The following CLVS1 variants were observed in gnomAD, a reference collection of about 807,000 sequenced individuals.
The protein encoded by CLVS1 is clavesin-1.
In CLVS1, 10 loss-of-function variants were observed where a neutral mutation model predicts 33.1. The observed-to-expected ratio is 0.30, with a 90% CI of 0.19 to 0.51. CLVS1 has a LOEUF of 0.51. Among genes scored for constraint, CLVS1 ranks in the 20% least tolerant of loss-of-function variants. CLVS1 has a pLI of 0.97. For missense variants in CLVS1, 343 were observed against 433.4 expected, an observed-to-expected ratio of 0.79 and a Z score of 1.85; for synonymous variants, 163 against 166.1, an observed-to-expected ratio of 0.98 and a Z score of 0.14.
intron 2 of CLVS1, among the ~76,000 whole-genome samples, chr8:61,164,922 C>T (rs1806827206): frequency 6.6e-6 from 1 of 152,196 alleles, no homozygotes; most frequent in Non-Finnish European, 1.5e-5. Context: ...GGGGTCCTTG[C>T]TCACAGAGCT....
intron 5 of CLVS1, among the ~76,000 whole-genome samples, chr8:61,492,945 A>C (rs962224453): frequency 3.9e-5 from 6 of 152,184 alleles, no homozygotes; most frequent in African/African-American, 1.2e-4. Flanking sequence ...CATGTCCTAC[A>C]AATATTCCTT....
rs750738056 is a variant in CLVS1, at chr8:61,299,928, C to T, written c.101C>T (p.Thr34Ile). Residue 34 changes from threonine to isoleucine, a missense_variant, in exon 2 of 6, where the codon ACT (threonine) becomes ATT (isoleucine). Thr to Ile is a moderately conservative substitution (Grantham distance 89). This residue lies in a region of CLVS1 where 88 missense variants were observed against 77.3 expected (regional missense o/e 1.14). Transcript: ENST00000325897. The part of the protein sequence containing the change: ...THLQAGLSPE[T>I]IEKARLELNE... ...TTACAGGCTGGACTCAGTCCAGAGA[C>T]TATAGAGAAAGCTCGCCTGGAACTG... is the stretch of plus-strand genomic sequence containing the variant. 6.2e-7 allele frequency: 1 copy of T among 1,613,948 alleles called. No individual in the cohort carries two copies.
intron 2 of CLVS1, among the ~76,000 whole-genome samples, chr8:61,177,466 T>C (rs1232360063): frequency 1.3e-5 from 2 of 152,038 alleles, no homozygotes; most frequent in Non-Finnish European, 2.9e-5. Flanking sequence ...GCACACCCTC[T>C]CCACCGAGGG....
intron 2 of CLVS1, among the ~76,000 whole-genome samples, chr8:61,276,951 T>G (rs1171894851): frequency 6.6e-6 from 1 of 152,228 alleles, no homozygotes; most frequent in Non-Finnish European, 1.5e-5. Flanking sequence ...GTCAAATTTT[T>G]CCTTTGATGC....
chr8:61,052,913 A>C (rs1268303554), upstream of CLVS1, among the ~76,000 whole-genome samples: 1 of 152,182 alleles, frequency 6.6e-6, no homozygotes, highest in Non-Finnish European at 1.5e-5. Context: ...GTGATCACAC[A>C]GATGAGACAT....
chr8:61,090,654 C>T (rs865991968), intron 1 of CLVS1, among the ~76,000 whole-genome samples: 1 of 152,110 alleles, frequency 6.6e-6, no homozygotes, highest in African/African-American at 2.4e-5. Context: ...CCAGAGACTC[C>T]TTTTTTCTTT....
intron 3 of CLVS1, among the ~76,000 whole-genome samples, chr8:61,445,524 A>C (rs147763919): frequency 0.021 from 3,161 of 152,206 alleles, 58 homozygotes; most frequent in Middle Eastern, 0.061. Flanking sequence ...CATGAGTGGA[A>C]GCTCCCTGAA....
At chr8:61,090,869 CTG>C (rs1377180119) in intron 1 of CLVS1, 1 of 518,728 alleles carries the variant, frequency 1.9e-6, no homozygotes, top group Non-Finnish European at 3.8e-6. Context: ...GATGAGAAGA[CTG>C]AGATTTTGGA....
chr8:61,449,175 G>T (rs1399325408), intron 3 of CLVS1, among the ~76,000 whole-genome samples: 1 of 152,198 alleles, frequency 6.6e-6, no homozygotes, highest in Non-Finnish European at 1.5e-5. Context: ...TTACTGGTGG[G>T]CAGGAGTGGG....
intron 1 of CLVS1, among the ~76,000 whole-genome samples, chr8:61,059,541 C>A (rs1268950412): frequency 1.5e-5 from 2 of 135,726 alleles, no homozygotes; most frequent in Non-Finnish European, 1.6e-5. Context: ...CCTTAATTCC[C>A]TTAATAGTGA....
At chr8:61,169,303 T>C (rs1355039726) in intron 2 of CLVS1, among the ~76,000 whole-genome samples, 1 of 152,174 alleles carries the variant, frequency 6.6e-6, no homozygotes, top group East Asian at 1.9e-4. Context: ...CTTTTTAACC[T>C]TACCTTTTTG....
At chr8:61,151,707 A>C (rs13257488) in intron 2 of CLVS1, among the ~76,000 whole-genome samples, 116,916 of 152,096 alleles carry the variant, frequency 0.77, 45,995 homozygotes, top group Middle Eastern at 0.93. Context: ...TTCAAGAGGG[A>C]CCCTGCTGGT....
chr8:61,004,984 C>T, the CLVS1 span, among the ~76,000 whole-genome samples: 2 of 152,176 alleles, frequency 1.3e-5, no homozygotes, highest in Admixed American at 1.3e-4. Context: ...CTCCTTCTTA[C>T]CGATATACAC....
intron 5 of CLVS1, among the ~76,000 whole-genome samples, chr8:61,473,481 A>C (rs1020742783): frequency 2.6e-5 from 4 of 152,180 alleles, no homozygotes; most frequent in African/African-American, 9.7e-5. Flanking sequence ...TCCTATAAGC[A>C]ATGGACAGTT....
intron 2 of CLVS1, among the ~76,000 whole-genome samples, chr8:61,256,792 G>A (rs1809093393): frequency 6.6e-6 from 1 of 152,208 alleles, no homozygotes; most frequent in African/African-American, 2.4e-5. Flanking sequence ...GGTGACAAGT[G>A]AAGGAAGCAA....
chr8:61,436,608 A>T (rs992216471), intron 3 of CLVS1, among the ~76,000 whole-genome samples: 5 of 152,150 alleles, frequency 3.3e-5, no homozygotes, highest in African/African-American at 1.2e-4. Context: ...TTCTTCCATT[A>T]GTCACCACCC....
At chr8:61,345,789 T>C (rs1167352994) in intron 2 of CLVS1, among the ~76,000 whole-genome samples, 1 of 151,918 alleles carries the variant, frequency 6.6e-6, no homozygotes, top group African/African-American at 2.4e-5. Flanking sequence ...CTGAACAGCT[T>C]CTATTCCTAC....
intron 2 of CLVS1, among the ~76,000 whole-genome samples, chr8:61,194,812 C>A (rs2129303516): frequency 6.6e-6 from 1 of 151,572 alleles, no homozygotes; most frequent in South Asian, 2.1e-4. Flanking sequence ...TAAAAACAAC[C>A]AAATGTCATG....
intron 2 of CLVS1, among the ~76,000 whole-genome samples, chr8:61,133,097 G>T (rs376133775): frequency 2.6e-5 from 4 of 152,194 alleles, no homozygotes; most frequent in East Asian, 1.9e-4. Context: ...AAATGCATCT[G>T]GGAAGCATCA....
Sources: gnomAD v4.1 joint callset for allele counts (sites outside exome capture counted in the v4.1 genomes callset) on GRCh38, gnomAD v4.1.1 for gene constraint, gnomAD v4.1.1 regional missense constraint, MANE v1.5 for transcripts, NCBI Gene and HGNC (gene_info 2026-07-23, HGNC 2026-07-21) for gene names.